RXYLT1: variants seen among roughly 807,000 people sequenced by gnomAD.
RXYLT1 encodes the protein ribitol xylosyltransferase 1, also known as ribitol-5-phosphate xylosyltransferase 1.
RXYLT1 carries 41 observed loss-of-function variants against 43.5 expected under a neutral mutation model. The observed-to-expected ratio is 0.94, with a 90% CI of 0.73 to 1.22. The LOEUF (loss-of-function observed/expected upper bound fraction) is 1.22, where lower values mean the gene tolerates loss of function less well. Ranked by LOEUF, RXYLT1 falls within the 50% of genes most tolerant of loss-of-function variation. The probability of loss-of-function intolerance (pLI) is 0.00; values close to 1 mark genes in which losing one functional copy is unlikely to be tolerated. For missense variants in RXYLT1, 514 were observed against 532.0 expected (o/e 0.97, Z 0.33); for synonymous variants, 166 against 194.4 (o/e 0.85, Z 1.21).
At chr12:63,789,087 C>T (rs1461989242) in intron 3 of RXYLT1, among the ~76,000 whole-genome samples, 1 of 152,164 alleles carries the variant, frequency 6.6e-6, no homozygotes, top group Admixed American at 6.6e-5. Flanking sequence ...AACTAAGAAT[C>T]CATGCCTATA....
intron 3 of RXYLT1, among the ~76,000 whole-genome samples, chr12:63,789,095 A>C (rs1449128175): frequency 6.6e-6 from 1 of 152,168 alleles, no homozygotes; most frequent in Non-Finnish European, 1.5e-5. Context: ...ATCCATGCCT[A>C]TATTCTCTCC....
rs1226176735 is a variant in RXYLT1 at position 63,808,810 on chromosome 12, TC to T, written c.1052del (p.Pro351LeufsTer6). The part of the protein sequence containing the change: ...IYEACSYGSI[P>X]VVEDVMTAGN... ...ATGAGGCTTGCTCCTATGGCTCCAT[TC>T]CTGTGGTGGAAGACGTGATGACAGC... On this transcript the variant is annotated frameshift_variant, in exon 6 of 6. Coordinates refer to ENST00000261234, the MANE Select transcript of RXYLT1 (RefSeq NM_014254.3). LOFTEE classifies it high-confidence loss of function. The T allele has an allele frequency of 4.3e-6, 7 of 1,614,140 alleles. No homozygotes were observed. Among genetic ancestry groups the T allele is most frequent in the Non-Finnish European group, 5.9e-6 (7 of 1,180,032 alleles).
chr12:63,797,353 G>A (rs1255415545), intron 3 of RXYLT1, among the ~76,000 whole-genome samples: 2 of 152,134 alleles, frequency 1.3e-5, no homozygotes, highest in African/African-American at 4.8e-5. Flanking sequence ...ACAGAAGAAA[G>A]GCAATTAACT....
At chr12:63,803,690 A>T (rs1898217661) in intron 4 of RXYLT1, 1 of 152,040 alleles carries the variant, frequency 6.6e-6, no homozygotes, top group South Asian at 2.1e-4. Flanking sequence ...CTATTTTTTG[A>T]GCAGAGCCTG....
chr12:63,785,088 G>T lies in RXYLT1; in HGVS notation c.428+16G>T. Reference sequence around the variant, plus strand: ...CACAGTACAGGTATTGGTTGTATTAGTTGTGCAACATTAACCTTTGATGTT... The same window carrying T: ...CACAGTACAGGTATTGGTTGTATTATTTGTGCAACATTAACCTTTGATGTT... On this transcript the variant is annotated intron_variant, in intron 3 of 5. Coordinates refer to ENST00000261234, the MANE Select transcript of RXYLT1 (RefSeq NM_014254.3). 6.3e-7 allele frequency: 1 copy of T among 1,579,632 alleles called. No homozygotes were observed. Among genetic ancestry groups the T allele is most frequent in the East Asian group, 2.2e-5 (1 of 44,632 alleles).
chr12:63,792,052 G>A (rs1897929373), intron 3 of RXYLT1, among the ~76,000 whole-genome samples: 1 of 152,230 alleles, frequency 6.6e-6, no homozygotes, highest in Non-Finnish European at 1.5e-5. Flanking sequence ...CTTCTAATTA[G>A]TGGGTAAAGC....
intron 3 of RXYLT1, among the ~76,000 whole-genome samples, chr12:63,799,302 C>CTTTTTTTTTTTTTTTTT: frequency 1.4e-5 from 1 of 71,632 alleles, no homozygotes. Flanking sequence ...CTTTTCTTTT[C>CTTTTTTTTTTTTTTTTT]TTTTTTTTTT....
chr12:63,788,081 A>G (rs1241601224), intron 3 of RXYLT1, among the ~76,000 whole-genome samples: 2 of 152,242 alleles, frequency 1.3e-5, no homozygotes, highest in African/African-American at 4.8e-5. Flanking sequence ...GTCAATGAGC[A>G]GTAATATTTT....
intron 3 of RXYLT1, among the ~76,000 whole-genome samples, chr12:63,794,758 G>T (rs931673556): frequency 6.6e-6 from 1 of 151,034 alleles, no homozygotes; most frequent in Non-Finnish European, 1.5e-5. Flanking sequence ...TTTGAGGTCA[G>T]CCTGGGCAAC....
intron 3 of RXYLT1, among the ~76,000 whole-genome samples, chr12:63,793,034 G>C (rs1244292521): frequency 2.6e-5 from 4 of 152,258 alleles, no homozygotes; most frequent in Non-Finnish European, 4.4e-5. Flanking sequence ...AGCCTTCTGA[G>C]TAGCTGGGAA....
intron 3 of RXYLT1, among the ~76,000 whole-genome samples, chr12:63,788,127 T>C (rs998937567): frequency 6.6e-6 from 1 of 152,216 alleles, no homozygotes; most frequent in African/African-American, 2.4e-5. Context: ...TACTTCTCAA[T>C]AGTAAGCTTA....
intron 3 of RXYLT1, among the ~76,000 whole-genome samples, chr12:63,786,812 C>G (rs768971024): frequency 1.3e-4 from 20 of 152,182 alleles, no homozygotes; most frequent in Non-Finnish European, 2.8e-4. Flanking sequence ...GAACTTCTTT[C>G]AAAATTGGAG....
At chr12:63,786,222 T>C (rs1897797140) in intron 3 of RXYLT1, among the ~76,000 whole-genome samples, 1 of 152,148 alleles carries the variant, frequency 6.6e-6, no homozygotes, top group Admixed American at 6.6e-5. Flanking sequence ...ATTCATAAAG[T>C]TAGCATCTTT....
intron 2 of RXYLT1, among the ~76,000 whole-genome samples, chr12:63,783,039 C>A (rs932047675): frequency 2.6e-5 from 4 of 152,174 alleles, no homozygotes; most frequent in Non-Finnish European, 5.9e-5. Flanking sequence ...ATCACAAGTT[C>A]TGCTTTCCAT....
intron 4 of RXYLT1, chr12:63,803,784 T>C (rs1014821629): frequency 4.6e-5 from 7 of 151,996 alleles, no homozygotes; most frequent in African/African-American, 1.7e-4. Flanking sequence ...ATATTTCTTA[T>C]ATAGGTCTGT....
At chr12:63,782,059 T>A (rs1366744789) in intron 2 of RXYLT1, among the ~76,000 whole-genome samples, 1 of 152,232 alleles carries the variant, frequency 6.6e-6, no homozygotes, top group Non-Finnish European at 1.5e-5. Flanking sequence ...TATTGATTTC[T>A]TCTTTTAAAT....
chr12:63,780,205 C>G, intron 1 of RXYLT1, 76 bp downstream of exon 1: 6 of 1,392,508 alleles, frequency 4.3e-6, no homozygotes, highest in South Asian at 1.6e-5. Context: ...GCCGGGTCCC[C>G]GCACCCGGCT....
intron 3 of RXYLT1, among the ~76,000 whole-genome samples, chr12:63,793,861 C>A (rs1490051469): frequency 6.6e-6 from 1 of 152,096 alleles, no homozygotes; most frequent in East Asian, 1.9e-4. Flanking sequence ...TTAGGTTAAT[C>A]GCCCTTACCT....
chr12:63,795,242 C>T (rs948599879), intron 3 of RXYLT1, among the ~76,000 whole-genome samples: 1 of 150,494 alleles, frequency 6.6e-6, no homozygotes, highest in Non-Finnish European at 1.5e-5. Flanking sequence ...GATCACGTGA[C>T]TGCATTCCTG....
Sources: gnomAD v4.1 joint callset for allele counts (sites outside exome capture counted in the v4.1 genomes callset) on GRCh38, gnomAD v4.1.1 for gene constraint, MANE v1.5 for transcripts, NCBI Gene and HGNC (gene_info 2026-07-23, HGNC 2026-07-21) for gene names.